Variants in UXS1 observed in about 807,000 individuals in gnomAD.
UXS1 encodes UDP-glucuronate decarboxylase 1.
A neutral mutation model predicts 62.6 loss-of-function variants in UXS1; 33 were observed. The ratio of observed to expected loss-of-function variants is 0.53; its 90% CI spans 0.40 to 0.70. UXS1 has a LOEUF of 0.70. UXS1 is among the 30% of genes least tolerant of loss of function. The pLI, the probability that UXS1 is intolerant of heterozygous loss-of-function variation, is 0.00. For synonymous variants in UXS1, 213 were observed against 206.8 expected, an observed-to-expected ratio of 1.03 and a Z score of -0.26; for missense variants, 434 against 556.3, an observed-to-expected ratio of 0.78 and a Z score of 2.21.
chr2:106,116,308 T>A (rs1360720381), intron 9 of UXS1, among the ~76,000 whole-genome samples: 1 of 152,182 alleles, frequency 6.6e-6, no homozygotes, highest in African/African-American at 2.4e-5. Context: ...GTCCAGATAT[T>A]TGCATAATCA....
intron 1 of UXS1, among the ~76,000 whole-genome samples, chr2:106,175,753 C>A (rs1338465352): frequency 6.6e-6 from 1 of 152,190 alleles, no homozygotes; most frequent in African/African-American, 2.4e-5. Context: ...AAGCCCCCTG[C>A]AAGTGGATGC....
intron 6 of UXS1, among the ~76,000 whole-genome samples, chr2:106,141,124 G>C (rs1371192064): frequency 6.6e-6 from 1 of 152,178 alleles, no homozygotes; most frequent in Non-Finnish European, 1.5e-5. Context: ...AAGACGACTT[G>C]CTAACAAGTA....
At chr2:106,192,434 G>C (rs1335501486) in intron 1 of UXS1, among the ~76,000 whole-genome samples, 1 of 152,056 alleles carries the variant, frequency 6.6e-6, no homozygotes, top group African/African-American at 2.4e-5. Flanking sequence ...GGTGCCTGTA[G>C]TCCCAGTTAC....
chr2:106,138,868 C>T (rs999506306), intron 6 of UXS1: 2 of 985,306 alleles, frequency 2.0e-6, no homozygotes, highest in Non-Finnish European at 2.4e-6. Context: ...AACAATAACT[C>T]CAGTTCCTAT....
intron 6 of UXS1, chr2:106,138,171 T>C: frequency 1.0e-6 from 1 of 985,446 alleles, no homozygotes. Context: ...ATCATTAACC[T>C]CACACTCTTC....
chr2:106,103,291 C>T (rs1056923126), intron 11 of UXS1, among the ~76,000 whole-genome samples: 10 of 152,234 alleles, frequency 6.6e-5, no homozygotes, highest in Non-Finnish European at 1.3e-4. Context: ...AAGAATGGGT[C>T]CTGACTGGTT....
chr2:106,130,431 C>A (rs1033631383), intron 6 of UXS1, among the ~76,000 whole-genome samples: 1 of 152,184 alleles, frequency 6.6e-6, no homozygotes, highest in Non-Finnish European at 1.5e-5. Flanking sequence ...CCAACCTCTC[C>A]CTGTGGAATG....
At chr2:106,153,290 T>C (rs1312776671) in intron 5 of UXS1, among the ~76,000 whole-genome samples, 2 of 152,158 alleles carry the variant, frequency 1.3e-5, no homozygotes, top group Non-Finnish European at 2.9e-5. Context: ...CACAGCATTG[T>C]TGAAAAATAA....
At chr2:106,175,952 A>G (rs941734471) in intron 1 of UXS1, among the ~76,000 whole-genome samples, 1 of 152,178 alleles carries the variant, frequency 6.6e-6, no homozygotes, top group Admixed American at 6.5e-5. Context: ...CACCACCTTT[A>G]ATCTATTGAT....
chr2:106,129,586 ACT>A (rs1680261203), intron 7 of UXS1, 86 bp downstream of exon 7: 2 of 1,132,466 alleles, frequency 1.8e-6, no homozygotes, highest in African/African-American at 1.5e-5. Flanking sequence ...CTCAGATCAA[ACT>A]CTAGTAGAAG....
intron 10 of UXS1, 37 bp downstream of exon 10, chr2:106,112,609 G>A (rs772767202): frequency 2.5e-6 from 4 of 1,610,132 alleles, no homozygotes; most frequent in Non-Finnish European, 3.4e-6. Flanking sequence ...TTCGATTTGG[G>A]TTGCAAGGTG....
chr2:106,148,090 TC>T (rs1681713207), intron 5 of UXS1, among the ~76,000 whole-genome samples: 1 of 152,228 alleles, frequency 6.6e-6, no homozygotes, highest in South Asian at 2.1e-4. Flanking sequence ...ACTAAAATCC[TC>T]AGAGATCACT....
intron 13 of UXS1, 46 bp from the exon 14 acceptor site, chr2:106,096,867 TG>T: frequency 6.5e-7 from 1 of 1,534,314 alleles, no homozygotes; most frequent in Non-Finnish European, 8.8e-7. Context: ...TCACAAAGCA[TG>T]GGTAAGCACA....
At chr2:106,176,807 G>A (rs376152583) in intron 1 of UXS1, among the ~76,000 whole-genome samples, 8 of 152,232 alleles carry the variant, frequency 5.3e-5, no homozygotes, top group African/African-American at 1.9e-4. Context: ...TTGCTTATCA[G>A]ACCTCCCTGT....
At chr2:106,105,645 C>T (rs987515194) in intron 10 of UXS1, among the ~76,000 whole-genome samples, 2 of 152,190 alleles carry the variant, frequency 1.3e-5, no homozygotes, top group Non-Finnish European at 2.9e-5. Context: ...GTGTCCGAAC[C>T]CCCTTTGCCC....
chr2:106,096,627 G>A (rs1677132684), intron 14 of UXS1, 91 bp downstream of exon 14: 5 of 1,211,134 alleles, frequency 4.1e-6, no homozygotes, highest in East Asian at 5.1e-5. Context: ...TCCTCCGGGG[G>A]CTGTCTGACA....
In UXS1 at chr2:106,157,918, C is replaced by T. The variant is rs755064337; in HGVS notation, c.291+140G>A. ...ATGAAGAAACTGTGGAATCAGAATG[C>T]GGTGCTAACTCTGTGGACATACTAT... On this transcript the variant is annotated intron_variant, in intron 5 of 14. Transcript: ENST00000283148. 39 of 716,616 alleles carry T rather than the reference C, an allele frequency of 5.4e-5. No homozygotes were observed. The African/African-American group carries it at 6.3e-4, about 12-fold the overall frequency. The allele number at this position is 716,616 out of a possible 1,614,324, so 44.4% of individuals were successfully genotyped here.
chr2:106,148,507 G>A (rs1482322874), intron 5 of UXS1, among the ~76,000 whole-genome samples: 4 of 152,206 alleles, frequency 2.6e-5, no homozygotes, highest in Non-Finnish European at 4.4e-5. Context: ...AGATATCAGA[G>A]ATGCAGCGTA....
intron 8 of UXS1, 113 bp from the exon 9 acceptor site, chr2:106,123,204 G>A (rs919553331): frequency 1.1e-5 from 17 of 1,484,226 alleles, no homozygotes; most frequent in African/African-American, 1.4e-5. Context: ...TAGAGATGGA[G>A]AGATGTATTA....
Sources: allele counts gnomAD v4.1 joint callset (sites outside exome capture counted in the v4.1 genomes callset), GRCh38; gene constraint gnomAD v4.1.1; transcripts MANE v1.5; gene names NCBI Gene and HGNC (gene_info 2026-07-23, HGNC 2026-07-21).